The following NALCN variants were observed in gnomAD, a reference collection of about 807,000 sequenced individuals.
NALCN encodes sodium leak channel, non-selective, also known as sodium leak channel NALCN.
A neutral mutation model predicts 225.3 loss-of-function variants in NALCN; 111 were observed. The observed-to-expected ratio is 0.49, with a 90% CI of 0.42 to 0.58. NALCN has a LOEUF of 0.58. Ranked by LOEUF, NALCN falls within the 20% of genes least tolerant of loss-of-function variation. NALCN has a pLI of 0.00. For missense variants in NALCN, 1,378 were observed against 2,202.4 expected, an observed-to-expected ratio of 0.63 and a Z score of 7.49; for synonymous variants, 764 against 769.0, an observed-to-expected ratio of 0.99 and a Z score of 0.11.
chr13:101,272,162 G>C (rs1211679282), intron 10 of NALCN, among the ~76,000 whole-genome samples: 1 of 152,134 alleles, frequency 6.6e-6, no homozygotes, highest in African/African-American at 2.4e-5. Context: ...GTGTGAGCCT[G>C]TATGAGTGTG....
chr13:101,073,529 A>T, intron 37 of NALCN, 55 bp downstream of exon 37: 1 of 1,428,502 alleles, frequency 7.0e-7, no homozygotes, highest in Non-Finnish European at 9.8e-7. Context: ...ATTGTGTTGC[A>T]AGAGTTTCAT....
Position 101,055,506 on chromosome 13 carries a change from C to A in NALCN, c.5024-18G>T, listed in dbSNP as rs1344063901. 1 of 1,607,706 alleles carries A rather than the reference C, an allele frequency of 6.2e-7. No individual in the cohort carries two copies. The highest frequency in any genetic ancestry group is 8.5e-7 in the Non-Finnish European group (1 of 1,175,408). On this transcript the variant is annotated intron_variant, in intron 43 of 43. Transcript: ENST00000251127. Reference sequence around the variant, plus strand: ...TTTTGGGGCTGTGGAATTAATGAGTCCTATGAGCCACTTGGTATTGCTTCA... The same window carrying A: ...TTTTGGGGCTGTGGAATTAATGAGTACTATGAGCCACTTGGTATTGCTTCA...
At chr13:101,148,840 AGC>A (rs1247992437) in intron 15 of NALCN, among the ~76,000 whole-genome samples, 1 of 152,256 alleles carries the variant, frequency 6.6e-6, no homozygotes, top group East Asian at 1.9e-4. Flanking sequence ...TAGAGAGATA[AGC>A]ATAAAATATC....
chr13:101,230,619 G>T (rs1005938833), intron 12 of NALCN, among the ~76,000 whole-genome samples: 4 of 152,160 alleles, frequency 2.6e-5, no homozygotes, highest in Non-Finnish European at 4.4e-5. Flanking sequence ...GAAACAAATA[G>T]TGTAGCCCCT....
At chr13:101,151,178 T>C (rs2037629825) in intron 15 of NALCN, among the ~76,000 whole-genome samples, 1 of 152,240 alleles carries the variant, frequency 6.6e-6, no homozygotes, top group African/African-American at 2.4e-5. Flanking sequence ...ATCGGGCGGC[T>C]GAAATCCTCT....
At chr13:101,211,942 A>G (rs1190010028) in intron 13 of NALCN, among the ~76,000 whole-genome samples, 1 of 152,064 alleles carries the variant, frequency 6.6e-6, no homozygotes, top group Admixed American at 6.6e-5. Context: ...CATTTCTTCC[A>G]GTGTAACTTT....
chr13:101,238,017 A>G lies in NALCN; in HGVS notation c.1267-95T>C, dbSNP rs556512938. On this transcript the variant is annotated intron_variant, in intron 11 of 43. Coordinates refer to ENST00000251127, the MANE Select transcript of NALCN (RefSeq NM_052867.4). ...TGTCAGTGTATGAATTTTTGCCACT[A>G]TCATATACACTAAGGTGCCCCATAA... is the stretch of plus-strand genomic sequence containing the variant. The G allele has an allele frequency of 1.6e-4, 181 of 1,105,644 alleles. 4 individuals carry two copies. In the South Asian group the frequency reaches 2.3e-3, roughly 14 times the overall value. 68.5% of individuals were successfully genotyped at this position (1,105,644 alleles called of 1,614,324 possible).
At chr13:101,402,398 A>G (rs751248010) in intron 1 of NALCN, among the ~76,000 whole-genome samples, 4 of 152,142 alleles carry the variant, frequency 2.6e-5, no homozygotes, top group Non-Finnish European at 4.4e-5. Flanking sequence ...AATGGTTAAG[A>G]CCCAGTTTTT....
At position 101,095,583 on chromosome 13, in the gene NALCN, G is replaced by A. The variant is rs2034458172; in HGVS notation, c.3260C>T (p.Pro1087Leu). Residue 1087 changes from proline to leucine, a missense_variant, in exon 28 of 44, where the codon CCC becomes CTC. Physicochemically the swap from Pro to Leu is moderately conservative, Grantham distance 98. This residue lies in a region of NALCN where 292 missense variants were observed against 409.5 expected (regional missense o/e 0.71). Transcript: ENST00000251127. ...TTTATGATATACTTACCAAACACGG[G>A]GCACCCAAAATCCAGGTTTTTTCTC... ...PGEKKPGFWV[P>L]RVWANPRNFN... 1 of 1,611,858 alleles carries A rather than the reference G, an allele frequency of 6.2e-7. No individual in the cohort carries two copies. The highest frequency in any genetic ancestry group is 8.5e-7 in the Non-Finnish European group (1 of 1,179,136).
intron 17 of NALCN, among the ~76,000 whole-genome samples, chr13:101,134,968 G>A (rs909305711): frequency 3.3e-5 from 5 of 152,216 alleles, no homozygotes; most frequent in East Asian, 1.9e-4. Context: ...GCCGAGGCGG[G>A]TGGATCACGA....
At chr13:101,301,790 C>T (rs868016214) in intron 7 of NALCN, among the ~76,000 whole-genome samples, 4 of 151,578 alleles carry the variant, frequency 2.6e-5, no homozygotes, top group Non-Finnish European at 5.9e-5. Context: ...CTGTCATTTA[C>T]AGTTCCTAAC....
Position 101,197,198 on chromosome 13 carries a change from C to A in NALCN, c.1627-5144G>T, listed in dbSNP as rs113983930. 3.5e-3 allele frequency among the ~76,000 whole-genome samples: 527 copies of A among 152,232 alleles called. 3 individuals are homozygous for A. The highest frequency in any genetic ancestry group is 0.011 in the African/African-American group (474 of 41,544). ...ATTGGGGAATTTGAGTATACGGTTT[C>A]GTTGTTTTTCCAAGTTTATTTCTTC... On this transcript the variant is annotated intron_variant, in intron 13 of 43. Coordinates refer to ENST00000251127, the MANE Select transcript of NALCN (RefSeq NM_052867.4).
chr13:101,116,753 T>G (rs1228794527), intron 18 of NALCN, among the ~76,000 whole-genome samples: 1 of 152,212 alleles, frequency 6.6e-6, no homozygotes, highest in Non-Finnish European at 1.5e-5. Flanking sequence ...TGCTCAAATC[T>G]TGAACTCCAC....
intron 3 of NALCN, among the ~76,000 whole-genome samples, chr13:101,382,384 C>A (rs1259111621): frequency 6.6e-6 from 1 of 151,756 alleles, no homozygotes; most frequent in African/African-American, 2.4e-5. Flanking sequence ...GTTTTTGGAC[C>A]AATGCTTACA....
At chr13:101,211,395 G>C (rs1566436740) in intron 13 of NALCN, among the ~76,000 whole-genome samples, 1 of 152,032 alleles carries the variant, frequency 6.6e-6, no homozygotes, top group Non-Finnish European at 1.5e-5. Flanking sequence ...TCATAATTCT[G>C]ATCATTGCAG....
chr13:101,248,225 GA>G (rs1352046463), intron 11 of NALCN, among the ~76,000 whole-genome samples: 4 of 151,886 alleles, frequency 2.6e-5, no homozygotes, highest in Non-Finnish European at 4.4e-5. Flanking sequence ...AGAGATAAAT[GA>G]AAAAGAGAAA....
intron 6 of NALCN, among the ~76,000 whole-genome samples, chr13:101,351,279 G>A (rs2045900814): frequency 6.6e-6 from 1 of 152,038 alleles, no homozygotes; most frequent in African/African-American, 2.4e-5. Context: ...TTAAATTTCT[G>A]GCTTTAGTAG....
chr13:101,068,355 C>T (rs1474247008), intron 38 of NALCN, among the ~76,000 whole-genome samples: 1 of 151,916 alleles, frequency 6.6e-6, no homozygotes. Context: ...CTGGGTGGGC[C>T]CACATCTGGG....
At chr13:101,121,225 C>G (rs2035958198) in intron 18 of NALCN, among the ~76,000 whole-genome samples, 1 of 152,106 alleles carries the variant, frequency 6.6e-6, no homozygotes, top group Non-Finnish European at 1.5e-5. Context: ...AGATCGCCTC[C>G]TCCTAGCTCC....
Sources: allele counts gnomAD v4.1 joint callset (sites outside exome capture counted in the v4.1 genomes callset), GRCh38; gene constraint gnomAD v4.1.1; regional missense constraint gnomAD v4.1.1; transcripts MANE v1.5; gene names NCBI Gene and HGNC (gene_info 2026-07-23, HGNC 2026-07-21).